The following PARD3 variants were observed in gnomAD, a reference collection of about 807,000 sequenced individuals.
The protein encoded by PARD3 is par-3 family cell polarity regulator.
PARD3 carries 75 observed loss-of-function variants against 155.4 expected under a neutral mutation model. The observed-to-expected ratio is 0.48, with a 90% CI of 0.40 to 0.58. PARD3 has a LOEUF of 0.58. PARD3 is among the 20% of genes least tolerant of loss of function. The probability of loss-of-function intolerance (pLI) is 0.00; values close to 1 mark genes in which losing one functional copy is unlikely to be tolerated. For missense variants in PARD3, 1,642 were observed against 1,721.7 expected (o/e 0.95, Z 0.82); for synonymous variants, 576 against 610.5 (o/e 0.94, Z 0.83).
At chr10:34,412,104 AG>A (rs1010306162) in intron 5 of PARD3, among the ~76,000 whole-genome samples, 7 of 151,992 alleles carry the variant, frequency 4.6e-5, no homozygotes, top group African/African-American at 1.5e-4. Flanking sequence ...CTAGGACTAA[AG>A]GTGTGCATCA....
intron 1 of PARD3, among the ~76,000 whole-genome samples, chr10:34,725,583 T>C (rs1022649628): frequency 5.3e-5 from 8 of 152,210 alleles, no homozygotes; most frequent in African/African-American, 1.9e-4. Flanking sequence ...AGTAGTGTTA[T>C]TCATCGTAAA....
intron 5 of PARD3, among the ~76,000 whole-genome samples, chr10:34,419,448 C>G (rs576249330): frequency 6.6e-6 from 1 of 151,946 alleles, no homozygotes; most frequent in African/African-American, 2.4e-5. Context: ...ACCCAGCAGG[C>G]GGAGGTTTCA....
intron 22 of PARD3, among the ~76,000 whole-genome samples, chr10:34,239,154 A>C (rs913212808): frequency 3.3e-5 from 5 of 152,254 alleles, no homozygotes; most frequent in Admixed American, 6.5e-5. Context: ...ATTTAAGGTC[A>C]TGTGAATTCT....
intron 2 of PARD3, among the ~76,000 whole-genome samples, chr10:34,575,360 T>C (rs1280507076): frequency 6.6e-6 from 1 of 152,224 alleles, no homozygotes; most frequent in African/African-American, 2.4e-5. Context: ...AATTTTAATT[T>C]GATTTTAAAC....
chr10:34,624,385 G>A (rs2091873819), intron 2 of PARD3, among the ~76,000 whole-genome samples: 1 of 152,180 alleles, frequency 6.6e-6, no homozygotes, highest in Admixed American at 6.5e-5. Flanking sequence ...CAACGAAAAG[G>A]ATCTGTTGTG....
intron 2 of PARD3, among the ~76,000 whole-genome samples, chr10:34,595,728 T>C (rs930706165): frequency 2.6e-5 from 4 of 152,198 alleles, no homozygotes; most frequent in African/African-American, 9.7e-5. Context: ...CACTTAGTTA[T>C]TTCAAATATA....
chr10:34,667,005 C>T (rs1394080738), intron 2 of PARD3, among the ~76,000 whole-genome samples: 1 of 151,766 alleles, frequency 6.6e-6, no homozygotes, highest in Non-Finnish European at 1.5e-5. Context: ...CCTGTCTCTA[C>T]TAGAAATACA....
At chr10:34,413,357 G>C (rs1845315298) in intron 5 of PARD3, among the ~76,000 whole-genome samples, 1 of 152,036 alleles carries the variant, frequency 6.6e-6, no homozygotes, top group South Asian at 2.1e-4. Flanking sequence ...CAAAGACAAG[G>C]AAAGTGGGTT....
intron 22 of PARD3, among the ~76,000 whole-genome samples, chr10:34,155,506 C>A (rs1822126): frequency 0.1 from 15,752 of 152,104 alleles, 1,126 homozygotes; most frequent in African/African-American, 0.21. Flanking sequence ...TAAACGGCTA[C>A]GTGTTGGTTC....
chr10:34,256,600 A>G (rs1210613375), intron 22 of PARD3, among the ~76,000 whole-genome samples: 1 of 152,214 alleles, frequency 6.6e-6, no homozygotes, highest in African/African-American at 2.4e-5. Context: ...CTTGGAGGCA[A>G]CTACCTGGTC....
At chr10:34,552,679 A>G (rs921716571) in intron 2 of PARD3, among the ~76,000 whole-genome samples, 3 of 151,288 alleles carry the variant, frequency 2.0e-5, no homozygotes, top group African/African-American at 7.3e-5. Context: ...TCACCATTGC[A>G]CTCCAGCCTG....
At chr10:34,329,005 TTA>T (rs1315126801) in intron 19 of PARD3, among the ~76,000 whole-genome samples, 1 of 152,230 alleles carries the variant, frequency 6.6e-6, no homozygotes, top group Non-Finnish European at 1.5e-5. Context: ...GTCCAGAACT[TTA>T]TCTTTGGTTT....
At chr10:34,473,454 A>C (rs182230581) in intron 3 of PARD3, among the ~76,000 whole-genome samples, 36 of 152,294 alleles carry the variant, frequency 2.4e-4, no homozygotes, top group South Asian at 1.2e-3. Context: ...TGGGAGGCCA[A>C]AGTGGGAGAA....
intron 11 of PARD3, 53 bp downstream of exon 11, chr10:34,374,821 G>A: frequency 6.3e-7 from 1 of 1,579,196 alleles, no homozygotes; most frequent in Non-Finnish European, 8.6e-7. Context: ...AACTAACCCA[G>A]ACCCCTGGCT....
At chr10:34,114,429 T>C (rs1946556291) in intron 24 of PARD3, among the ~76,000 whole-genome samples, 1 of 152,176 alleles carries the variant, frequency 6.6e-6, no homozygotes, top group Admixed American at 6.5e-5. Context: ...CTGCAACTTC[T>C]ACTTCCTGGG....
chr10:34,552,663 G>A (rs2084679314), intron 2 of PARD3, among the ~76,000 whole-genome samples: 1 of 151,584 alleles, frequency 6.6e-6, no homozygotes, highest in African/African-American at 2.4e-5. Flanking sequence ...ACAGTGAGCT[G>A]AGGCCTCACC....
intron 2 of PARD3, among the ~76,000 whole-genome samples, chr10:34,638,522 T>C (rs1056484822): frequency 6.6e-6 from 1 of 152,152 alleles, no homozygotes; most frequent in Non-Finnish European, 1.5e-5. Context: ...ATGACAACAT[T>C]CTAAAATAAA....
chr10:34,551,518 C>G (rs575811631), intron 2 of PARD3, among the ~76,000 whole-genome samples: 1 of 152,194 alleles, frequency 6.6e-6, no homozygotes, highest in Non-Finnish European at 1.5e-5. Flanking sequence ...ATTGCAACAG[C>G]CCTTGGGCTG....
intron 2 of PARD3, among the ~76,000 whole-genome samples, chr10:34,559,466 A>G (rs2085288613): frequency 6.7e-6 from 1 of 150,186 alleles, no homozygotes; most frequent in African/African-American, 2.5e-5. Context: ...AAAAAAAAAG[A>G]AAAGAAACTA....
Sources: allele counts gnomAD v4.1 joint callset (sites outside exome capture counted in the v4.1 genomes callset), GRCh38; gene constraint gnomAD v4.1.1; transcripts MANE v1.5; gene names NCBI Gene and HGNC (gene_info 2026-07-23, HGNC 2026-07-21).